The following PLEKHH2 variants were observed in gnomAD, a reference collection of about 807,000 sequenced individuals.
PLEKHH2 encodes pleckstrin homology domain-containing family H member 2.
A neutral mutation model predicts 187.9 loss-of-function variants in PLEKHH2; 129 were observed. The observed-to-expected ratio is 0.69, with a 90% CI of 0.59 to 0.79. PLEKHH2 has a LOEUF of 0.79. PLEKHH2 is among the 30% of genes least tolerant of loss of function. The pLI is 0.00. For synonymous variants in PLEKHH2, 686 were observed against 605.6 expected (o/e 1.13, Z -1.95); for missense variants, 2,076 against 1,751.2 (o/e 1.19, Z -3.31).
intron 17 of PLEKHH2, among the ~76,000 whole-genome samples, chr2:43,727,982 G>A (rs1319783881): frequency 6.6e-6 from 1 of 152,116 alleles, no homozygotes; most frequent in Non-Finnish European, 1.5e-5. Context: ...AAATGATAAA[G>A]CTTTTATTGT....
At chr2:43,681,113 G>T in intron 3 of PLEKHH2, 7 of 979,670 alleles carry the variant, frequency 7.1e-6, no homozygotes, top group Non-Finnish European at 1.1e-5. Context: ...AATTACTATG[G>T]TTGTGAAACC....
chr2:43,746,304 G>A (rs1671776597), intron 24 of PLEKHH2, among the ~76,000 whole-genome samples: 2 of 152,204 alleles, frequency 1.3e-5, no homozygotes, highest in African/African-American at 2.4e-5. Flanking sequence ...AGGAGTTCAA[G>A]ACCAACACTT....
chr2:43,755,933 C>T (rs1388685821), intron 25 of PLEKHH2, among the ~76,000 whole-genome samples: 6 of 152,172 alleles, frequency 3.9e-5, no homozygotes, highest in Non-Finnish European at 1.5e-5. Context: ...GTGCATGGAG[C>T]TTTATTAGGC....
chr2:43,741,314 A>C (rs1031214817), intron 21 of PLEKHH2: 1 of 237,960 alleles, frequency 4.2e-6, no homozygotes, highest in Non-Finnish European at 8.1e-6. Context: ...AGTATGAATG[A>C]CTTAGCATTA....
chr2:43,720,487 A>G (rs148545647), intron 15 of PLEKHH2, among the ~76,000 whole-genome samples, 182 bp from the exon 16 acceptor site: 5 of 152,062 alleles, frequency 3.3e-5, no homozygotes, highest in Non-Finnish European at 7.4e-5. Context: ...TTCCCTATTT[A>G]TGTCCATGTG....
rs10530805 is a variant in PLEKHH2, at chr2:43,703,916, CTTTTTTTTTTT to C, written c.1651-50_1651-40del. ...GAAAAACATGTGTATTGAAAGTAGT[CTTTTTTTTTTT>C]TTTTTTTTTTTTTTGCTTTAAATAC... On this transcript the variant is annotated intron_variant, in intron 8 of 29. Transcript: ENST00000282406. The C allele has an allele frequency of 1.6e-3, 624 of 386,954 alleles. 4 individuals carry two copies. Among genetic ancestry groups the C allele is most frequent in the African/African-American group, 6.6e-3 (213 of 32,188 alleles). The allele number at this position is 386,954 out of a possible 1,614,324, so 24.0% of individuals were successfully genotyped here.
rs147622538 is a variant in PLEKHH2, at chr2:43,678,896, G to A, written c.157G>A (p.Glu53Lys). 641 of 1,607,832 alleles carry A rather than the reference G, an allele frequency of 4.0e-4. 2 individuals carry two copies. In the African/African-American group the frequency reaches 7.5e-3, roughly 19 times the overall value. Reference protein sequence around the residue: ...QQLERQVIDAERQAEKAFQQV... With the variant: ...QQLERQVIDAKRQAEKAFQQV... Reference sequence around the variant, plus strand: ...GCTTGAGAGACAAGTTATTGATGCTGAACGTCAAGCAGAAAAAGCTTTTCA... The same window carrying A: ...GCTTGAGAGACAAGTTATTGATGCTAAACGTCAAGCAGAAAAAGCTTTTCA... The change falls in exon 3 of 30, where the codon GAA (glutamate) becomes AAA (lysine). Residue 53 changes from glutamate (E) to lysine (K), a missense_variant. Coordinates refer to ENST00000282406, the MANE Select transcript of PLEKHH2 (RefSeq NM_172069.4).
chr2:43,704,821 A>G lies in PLEKHH2; in HGVS notation c.1726+765A>G, dbSNP rs1268645663. 2.6e-5 allele frequency among the ~76,000 whole-genome samples: 4 copies of G among 152,252 alleles called. No individual in the cohort carries two copies. In the East Asian group the frequency reaches 7.7e-4, roughly 29 times the overall value. ...TTCATTGGAATAAAGAGTTGTGTAA[A>G]CTTTCAAAAAATGATTTCTAGGGTT... On this transcript the variant is annotated intron_variant, in intron 9 of 29. Coordinates refer to ENST00000282406, the MANE Select transcript of PLEKHH2 (RefSeq NM_172069.4).
intron 9 of PLEKHH2, among the ~76,000 whole-genome samples, chr2:43,705,906 C>T (rs917159954): frequency 1.3e-5 from 2 of 152,136 alleles, no homozygotes; most frequent in Non-Finnish European, 2.9e-5. Context: ...CCATGCCCCA[C>T]CAGAACAGTG....
chr2:43,682,053 C>T (rs986150398), intron 3 of PLEKHH2, among the ~76,000 whole-genome samples: 1 of 152,140 alleles, frequency 6.6e-6, no homozygotes, highest in Non-Finnish European at 1.5e-5. Flanking sequence ...CCTCCACCCA[C>T]TTCCCCTGCC....
chr2:43,660,204 A>T (rs1440178264), intron 2 of PLEKHH2, among the ~76,000 whole-genome samples: 1 of 152,174 alleles, frequency 6.6e-6, no homozygotes, highest in African/African-American at 2.4e-5. Flanking sequence ...TGTTGTCTGT[A>T]TCTATAGTTT....
intron 2 of PLEKHH2, among the ~76,000 whole-genome samples, chr2:43,651,171 T>TCA (rs1318385753): frequency 2.6e-5 from 4 of 152,022 alleles, no homozygotes; most frequent in African/African-American, 9.7e-5. Context: ...ATTCATTCAT[T>TCA]TATTCATTTT....
intron 9 of PLEKHH2, among the ~76,000 whole-genome samples, chr2:43,704,562 T>C (rs947195927): frequency 1.8e-4 from 27 of 148,986 alleles, no homozygotes; most frequent in Non-Finnish European, 3.4e-4. Context: ...ACTCGGGAGG[T>C]TGAGGCAGGA....
chr2:43,753,879 C>T lies in PLEKHH2; in HGVS notation c.3795+119C>T, dbSNP rs1220114665. On this transcript the variant is annotated intron_variant, in intron 25 of 29. Transcript: ENST00000282406. Reference sequence around the variant, plus strand: ...TTTACATTCGTTTTGCTACAATTAGCACCTTAAAAATTACAGGCACTATAA... The same window carrying T: ...TTTACATTCGTTTTGCTACAATTAGTACCTTAAAAATTACAGGCACTATAA... The T allele has an allele frequency of 6.7e-6, 6 of 897,108 alleles. No homozygotes were observed. The South Asian group carries it at 8.8e-5, about 13-fold the overall frequency. The allele number at this position is 897,108 out of a possible 1,614,324, so 55.6% of individuals were successfully genotyped here.
chr2:43,730,505 C>T (rs1045654231), intron 18 of PLEKHH2, among the ~76,000 whole-genome samples: 5 of 152,136 alleles, frequency 3.3e-5, no homozygotes, highest in Non-Finnish European at 7.4e-5. Context: ...CTCAAGCAAT[C>T]CTCCTGCCTC....
chr2:43,755,213 C>T (rs778715540), intron 25 of PLEKHH2, among the ~76,000 whole-genome samples: 13 of 152,208 alleles, frequency 8.5e-5, no homozygotes, highest in African/African-American at 2.9e-4. Context: ...ATCGTCCCTC[C>T]TCTGTGTTCA....
intron 2 of PLEKHH2, among the ~76,000 whole-genome samples, chr2:43,651,398 T>A (rs956475698): frequency 6.6e-6 from 1 of 152,214 alleles, no homozygotes; most frequent in South Asian, 2.1e-4. Context: ...CTCTTGGTTA[T>A]ATTTCTATCC....
chr2:43,717,424 A>G (rs1278142643), intron 15 of PLEKHH2, among the ~76,000 whole-genome samples: 2 of 51,566 alleles, frequency 3.9e-5, no homozygotes, highest in East Asian at 2.5e-4. Flanking sequence ...CCTCAAACAA[A>G]CAAACAAACA....
At chr2:43,711,441 A>T (rs752403957) in intron 14 of PLEKHH2, 60 of 975,590 alleles carry the variant, frequency 6.2e-5, no homozygotes, top group Admixed American at 6.2e-5. Context: ...ATAATATCTA[A>T]TCACATGTTC....
Sources: gnomAD v4.1 joint callset for allele counts (sites outside exome capture counted in the v4.1 genomes callset) on GRCh38, gnomAD v4.1.1 for gene constraint, MANE v1.5 for transcripts, NCBI Gene and HGNC (gene_info 2026-07-23, HGNC 2026-07-21) for gene names.